Variants in SAMD4A observed in about 807,000 individuals in gnomAD.
The protein encoded by SAMD4A is protein Smaug homolog 1.
SAMD4A carries 33 observed loss-of-function variants against 81.3 expected under a neutral mutation model. That is an observed-to-expected ratio of 0.41 (90% CI 0.31 to 0.54). The LOEUF (loss-of-function observed/expected upper bound fraction) is 0.54, where lower values mean the gene tolerates loss of function less well. Among genes scored for constraint, SAMD4A ranks in the 20% least tolerant of loss-of-function variants. SAMD4A has a pLI of 0.37. For synonymous variants in SAMD4A, 389 were observed against 382.1 expected, an observed-to-expected ratio of 1.02 and a Z score of -0.21; for missense variants, 854 against 951.1, an observed-to-expected ratio of 0.90 and a Z score of 1.34.
At chr14:54,715,208 A>G (rs2037088741) in intron 3 of SAMD4A, among the ~76,000 whole-genome samples, 1 of 152,102 alleles carries the variant, frequency 6.6e-6, no homozygotes, top group Non-Finnish European at 1.5e-5. Context: ...AGAAAAAAAA[A>G]ATTGCCATAG....
chr14:54,730,743 C>G (rs1184446968), intron 3 of SAMD4A, among the ~76,000 whole-genome samples: 1 of 152,162 alleles, frequency 6.6e-6, no homozygotes, highest in Non-Finnish European at 1.5e-5. Context: ...TTACACAAAT[C>G]TGGTGTTATT....
chr14:54,613,646 GT>G (rs1277503724), intron 2 of SAMD4A, among the ~76,000 whole-genome samples: 2 of 152,148 alleles, frequency 1.3e-5, no homozygotes, highest in Non-Finnish European at 2.9e-5. Flanking sequence ...TGAATGATAT[GT>G]TTGCATTTGA....
chr14:54,758,775 G>GGCTGAGAT (rs1451101008), intron 6 of SAMD4A, among the ~76,000 whole-genome samples: 1 of 152,086 alleles, frequency 6.6e-6, no homozygotes, highest in Non-Finnish European at 1.5e-5. Flanking sequence ...GGTTGCAGTG[G>GGCTGAGAT]GCTGAGATCA....
At position 54,702,011 on chromosome 14, in the gene SAMD4A, G is replaced by A. The variant is rs752352579; in HGVS notation, c.197-51G>A. The A allele has an allele frequency of 1.0e-5, 16 of 1,572,906 alleles. No individual in the cohort carries two copies. The Admixed American group carries it at 2.7e-4, about 27-fold the overall frequency. ...AAATTCTCTTTAGAGTATCTGTTTA[G>A]AGTCACTGTGGGTGTATTTGCTTAT... On this transcript the variant is annotated intron_variant, in intron 2 of 12. Transcript: ENST00000554335.
intron 2 of SAMD4A, among the ~76,000 whole-genome samples, chr14:54,583,004 C>T (rs567714715): frequency 5.9e-5 from 9 of 152,120 alleles, no homozygotes; most frequent in East Asian, 1.9e-4. Context: ...AGTGCAGTGG[C>T]GCAATCTCGG....
In SAMD4A at chr14:54,741,297, G is replaced by A. The variant is rs78755905; in HGVS notation, c.979+4010G>A. Among the ~76,000 whole-genome samples the A allele has an allele frequency of 2.1e-3, 323 of 152,330 alleles. 1 individual carries two copies. The highest frequency in any genetic ancestry group is 3.7e-3 in the Non-Finnish European group (252 of 68,028). ...GTTCTCTTAATTTCCTGGAGAGAAAGTATAGAAGTCATTTGGCAGAAGATG... is the reference window on the plus strand; with the variant it reads ...GTTCTCTTAATTTCCTGGAGAGAAAATATAGAAGTCATTTGGCAGAAGATG... On this transcript the variant is annotated intron_variant, in intron 4 of 12. Transcript: ENST00000554335.
Position 54,612,674 on chromosome 14 carries a change from T to G in SAMD4A, c.196+44562T>G, listed in dbSNP as rs181033248. On this transcript the variant is annotated intron_variant, in intron 2 of 12. Coordinates refer to ENST00000554335, the MANE Select transcript of SAMD4A (RefSeq NM_015589.6). ...TACAAGAAGACTGAAAAACATCTGT[T>G]TTTTTCAAATGACCCATTCAAAGCA... 7.6e-4 allele frequency among the ~76,000 whole-genome samples: 116 copies of G among 152,310 alleles called. 1 individual carries two copies. The South Asian group carries it at 0.013, about 17-fold the overall frequency.
chr14:54,615,572 C>T (rs2034469669), intron 2 of SAMD4A, among the ~76,000 whole-genome samples: 2 of 152,276 alleles, frequency 1.3e-5, no homozygotes, highest in South Asian at 4.1e-4. Context: ...TGACATAGGT[C>T]CCTGATCACC....
At chr14:54,737,402 C>G in intron 4 of SAMD4A, 115 bp downstream of exon 4, 1 of 1,243,224 alleles carries the variant, frequency 8.0e-7, no homozygotes, top group Non-Finnish European at 1.1e-6. Context: ...CTTCCCCAGG[C>G]TTACGCATTT....
rs1470552282 is a variant in SAMD4A at position 54,789,325 on chromosome 14, TG to T, written c.*385del. The stretch of plus-strand genomic sequence containing the variant: ...AAGAGGACAGCAGAAGCCCTGGCCC[TG>T]GGGAGGCTTCTCGGAAGGCCTGGCT... On this transcript the variant is annotated 3_prime_UTR_variant, in exon 13 of 13. Coordinates refer to ENST00000554335, the MANE Select transcript of SAMD4A (RefSeq NM_015589.6). 1.3e-5 allele frequency: 3 copies of T among 233,022 alleles called. No individual in the cohort carries two copies. The highest frequency in any genetic ancestry group is 2.5e-5 in the Non-Finnish European group (3 of 118,706). 14.4% of individuals were successfully genotyped at this position (233,022 alleles called of 1,614,324 possible).
chr14:54,745,752 T>C (rs1209377620), intron 4 of SAMD4A, among the ~76,000 whole-genome samples: 1 of 152,194 alleles, frequency 6.6e-6, no homozygotes, highest in Non-Finnish European at 1.5e-5. Flanking sequence ...AGTGACTTTC[T>C]AGTTTGAGAC....
intron 2 of SAMD4A, among the ~76,000 whole-genome samples, chr14:54,666,077 G>A (rs2035750838): frequency 6.6e-6 from 1 of 152,158 alleles, no homozygotes; most frequent in South Asian, 2.1e-4. Flanking sequence ...GAGACTCTAA[G>A]CCATCCTTGA....
chr14:54,678,922 G>A (rs1008101690), intron 2 of SAMD4A, among the ~76,000 whole-genome samples: 1 of 152,102 alleles, frequency 6.6e-6, no homozygotes, highest in Non-Finnish European at 1.5e-5. Context: ...TTGTGGACTC[G>A]ATCTTGTCTC....
At chr14:54,720,472 C>G (rs1210548692) in intron 3 of SAMD4A, among the ~76,000 whole-genome samples, 1 of 152,072 alleles carries the variant, frequency 6.6e-6, no homozygotes, top group Non-Finnish European at 1.5e-5. Flanking sequence ...AGGAACCTAA[C>G]CTGGCTGTTT....
intron 9 of SAMD4A, among the ~76,000 whole-genome samples, chr14:54,774,631 A>C (rs976058754): frequency 6.8e-6 from 1 of 147,752 alleles, no homozygotes; most frequent in South Asian, 2.1e-4. Flanking sequence ...CCTGGGCGAC[A>C]TAGTGAGACT....
At chr14:54,582,890 A>G (rs2033509594) in intron 2 of SAMD4A, among the ~76,000 whole-genome samples, 1 of 152,222 alleles carries the variant, frequency 6.6e-6, no homozygotes, top group African/African-American at 2.4e-5. Flanking sequence ...AATCTTGGTG[A>G]AAAGTTTATG....
At chr14:54,611,646 G>T (rs922364208) in intron 2 of SAMD4A, among the ~76,000 whole-genome samples, 2 of 152,258 alleles carry the variant, frequency 1.3e-5, no homozygotes, top group East Asian at 3.9e-4. Flanking sequence ...GGAGGCCGAG[G>T]TGGGCAGATG....
intron 9 of SAMD4A, among the ~76,000 whole-genome samples, chr14:54,772,350 G>A (rs900201924): frequency 1.3e-5 from 2 of 152,178 alleles, no homozygotes; most frequent in Admixed American, 6.5e-5. Context: ...TAAGCCTAGC[G>A]ATCTTAAGTA....
chr14:54,605,337 G>A (rs1426805232), intron 2 of SAMD4A, among the ~76,000 whole-genome samples: 1 of 152,154 alleles, frequency 6.6e-6, no homozygotes, highest in African/African-American at 2.4e-5. Context: ...AAATGTGATT[G>A]AGGTAGCAGT....
Sources: gnomAD v4.1 joint callset for allele counts (sites outside exome capture counted in the v4.1 genomes callset) on GRCh38, gnomAD v4.1.1 for gene constraint, MANE v1.5 for transcripts, NCBI Gene and HGNC (gene_info 2026-07-23, HGNC 2026-07-21) for gene names.